PLA2G6: variants seen among roughly 807,000 people sequenced by gnomAD.
PLA2G6 encodes 85/88 kDa calcium-independent phospholipase A2.
In PLA2G6, 62 loss-of-function variants were observed where a neutral mutation model predicts 83.8. The observed-to-expected ratio is 0.74, with a 90% confidence interval of 0.60 to 0.91. PLA2G6 has a LOEUF of 0.91. Ranked by LOEUF, PLA2G6 falls within the 40% of genes least tolerant of loss-of-function variation. The probability of loss-of-function intolerance (pLI) is 0.00; values close to 1 mark genes in which losing one functional copy is unlikely to be tolerated. For synonymous variants in PLA2G6, 417 were observed against 449.8 expected (o/e 0.93, Z 0.92); for missense variants, 944 against 1,102.0 (o/e 0.86, Z 2.03).
intron 1 of PLA2G6, among the ~76,000 whole-genome samples, chr22:38,173,076 C>T (rs1213326942): frequency 2.0e-5 from 3 of 152,212 alleles, no homozygotes; most frequent in African/African-American, 7.2e-5. Flanking sequence ...GGAACACTCA[C>T]GGCATTGCCA....
intron 1 of PLA2G6, 100 bp from the exon 2 acceptor site, chr22:38,169,571 C>A: frequency 1.4e-6 from 1 of 708,152 alleles, no homozygotes; most frequent in South Asian, 1.5e-5. Context: ...TCACTCCCCA[C>A]CAGCGTTGTC....
chr22:38,174,667 C>T (rs2090564445), intron 1 of PLA2G6, among the ~76,000 whole-genome samples: 1 of 152,192 alleles, frequency 6.6e-6, no homozygotes. Flanking sequence ...GAGAGGCCTT[C>T]ACAGCAGATG....
At chr22:38,164,239 G>C (rs1178903188) in intron 2 of PLA2G6, among the ~76,000 whole-genome samples, 1 of 152,204 alleles carries the variant, frequency 6.6e-6, no homozygotes, top group Admixed American at 6.5e-5. Context: ...GCCAGGATCA[G>C]CCCAGGCGGG....
chr22:38,168,477 GC>G (rs1159762127), intron 2 of PLA2G6, among the ~76,000 whole-genome samples: 1 of 152,202 alleles, frequency 6.6e-6, no homozygotes, highest in Non-Finnish European at 1.5e-5. Context: ...GTCCCAGCAT[GC>G]CCCAAGAGGC....
intron 3 of PLA2G6, chr22:38,143,932 CG>C (rs2089077196): frequency 5.7e-6 from 1 of 175,170 alleles, no homozygotes; most frequent in Non-Finnish European, 1.2e-5. Context: ...TTAGTAGAGA[CG>C]GGGTTTCACC....
chr22:38,166,760 GA>G (rs1296670655), intron 2 of PLA2G6, among the ~76,000 whole-genome samples: 2 of 152,056 alleles, frequency 1.3e-5, no homozygotes, highest in African/African-American at 2.4e-5. Context: ...TACATACATG[GA>G]AACAACACAG....
rs372511574 is a variant in PLA2G6 at position 38,135,028 on chromosome 22, C to G, written c.854G>C (p.Arg285Pro). The G allele has an allele frequency of 4.1e-6, 6 of 1,455,514 alleles. No individual in the cohort carries two copies. Among genetic ancestry groups the G allele is most frequent in the Non-Finnish European group, 5.6e-6 (6 of 1,078,984 alleles). The allele number at this position is 1,455,514 out of a possible 1,614,324, so 90.2% of individuals were successfully genotyped here. A position where few individuals can be genotyped will look rare whatever the true frequency, so the allele number is the denominator to read the frequency against. The change falls in exon 6 of 17, where the codon CGT becomes CCT. Residue 285 changes from arginine (R) to proline (P), a missense_variant. Transcript: ENST00000332509. Reference protein sequence around the residue: ...DSSQIHSKDPRYGASPLHWAK... With the variant: ...DSSQIHSKDPPYGASPLHWAK... ...CCAGTGGAGGGGGCTGGCTCCGTAA[C>G]GGGGGTCTTTGCTGTGGATCTGGCT...
Position 38,123,129 on chromosome 22 carries a change from G to A in PLA2G6, c.1557C>T (p.Ser519=). The A allele has an allele frequency of 6.5e-7, 1 of 1,549,854 alleles. No homozygotes were observed. The highest frequency in any genetic ancestry group is 8.7e-7 in the Non-Finnish European group (1 of 1,147,234). Residue 519 remains serine, a synonymous_variant, in exon 11 of 17, where the codon AGC becomes AGT. Coordinates refer to ENST00000332509, the MANE Select transcript of PLA2G6 (RefSeq NM_003560.4). The surrounding 1 kb of genome is among the most constrained non-coding windows in gnomAD (Gnocchi z 4.1). ...KDLFDWVAGT[S]TGGILALAIL... is the part of the protein sequence containing the mutation. Reference sequence around the variant, plus strand: ...TGGCCAGGGCCAGGATGCCTCCAGTGCTGGTGCCCGCCACCCAGTCAAACA... The same window carrying A: ...TGGCCAGGGCCAGGATGCCTCCAGTACTGGTGCCCGCCACCCAGTCAAACA...
At chr22:38,162,436 G>T (rs930469815) in intron 2 of PLA2G6, among the ~76,000 whole-genome samples, 1 of 152,136 alleles carries the variant, frequency 6.6e-6, no homozygotes, top group African/African-American at 2.4e-5. Context: ...ACGGGATGGG[G>T]CTGGGAAAAG....
intron 7 of PLA2G6, among the ~76,000 whole-genome samples, chr22:38,129,948 A>G (rs1363957734): frequency 6.6e-6 from 1 of 152,144 alleles, no homozygotes; most frequent in Non-Finnish European, 1.5e-5. Context: ...AGGGTGGGTG[A>G]GGGCAGGGAA....
Position 38,123,123 on chromosome 22 carries a change from T to C in PLA2G6, c.1563A>G (p.Gly521=). 6.5e-7 allele frequency: 1 copy of C among 1,549,672 alleles called. No individual in the cohort carries two copies. The highest frequency in any genetic ancestry group is 8.7e-7 in the Non-Finnish European group (1 of 1,147,184). Residue 521 remains glycine (G), a synonymous_variant, in exon 11 of 17, where the codon GGA becomes GGG. Coordinates refer to ENST00000332509, the MANE Select transcript of PLA2G6 (RefSeq NM_003560.4). This position sits in a 1 kb window ranked among gnomAD's most constrained non-coding sequence, Gnocchi z 4.1. ...GCAGAATGGCCAGGGCCAGGATGCC[T>C]CCAGTGCTGGTGCCCGCCACCCAGT... ...LFDWVAGTST[G]GILALAILHS... is the part of the protein sequence containing the mutation.
At chr22:38,129,607 G>A (rs1213194903) in intron 7 of PLA2G6, 45 bp from the exon 8 acceptor site, 2 of 1,498,144 alleles carry the variant, frequency 1.3e-6, no homozygotes, top group Non-Finnish European at 1.9e-6. Flanking sequence ...TGCCGGGGAA[G>A]TGAAGAACAA....
chr22:38,174,635 G>A (rs1005843008), intron 1 of PLA2G6, among the ~76,000 whole-genome samples: 4 of 152,228 alleles, frequency 2.6e-5, no homozygotes, highest in African/African-American at 7.2e-5. Flanking sequence ...AAGAACAGGA[G>A]TTTGCCAGCG....
At position 38,169,466 on chromosome 22, in the gene PLA2G6, C is replaced by G; in HGVS notation, c.-40G>C. Reference sequence around the variant, plus strand: ...GTGGGGAGGCCCCACCGTCTTCCCCCTCTGTCTGGAAGAAAACGAGGTCTC... The same window carrying G: ...GTGGGGAGGCCCCACCGTCTTCCCCGTCTGTCTGGAAGAAAACGAGGTCTC... On this transcript the variant is annotated 5_prime_UTR_variant, in exon 2 of 17. Transcript: ENST00000332509. 5.7e-6 allele frequency: 9 copies of G among 1,568,448 alleles called. No homozygotes were observed. The highest frequency in any genetic ancestry group is 7.9e-6 in the Non-Finnish European group (9 of 1,142,104).
At chr22:38,115,960 G>C (rs11570752) in intron 13 of PLA2G6, 115 bp downstream of exon 13, 3 of 1,480,588 alleles carry the variant, frequency 2.0e-6, no homozygotes, top group East Asian at 4.7e-5. Context: ...CCAGTGCAGC[G>C]GGTGGGCTGG....
chr22:38,154,351 C>A (rs1367847123), intron 2 of PLA2G6, among the ~76,000 whole-genome samples: 1 of 152,204 alleles, frequency 6.6e-6, no homozygotes, highest in African/African-American at 2.4e-5. Flanking sequence ...GTGATAGTGG[C>A]CACAGAGGTG....
intron 12 of PLA2G6, among the ~76,000 whole-genome samples, chr22:38,118,683 C>T (rs943905326): frequency 6.6e-6 from 1 of 151,196 alleles, no homozygotes; most frequent in Admixed American, 6.6e-5. Flanking sequence ...TTTGGATGGA[C>T]CCATGTTCTT....
Position 38,157,799 on chromosome 22 carries a change from GCA to G in PLA2G6, c.209+11417_209+11418del, listed in dbSNP as rs1208074286. Among the ~76,000 whole-genome samples, 5 of 152,182 alleles carry G rather than the reference GCA, an allele frequency of 3.3e-5. No individual in the cohort carries two copies. In the East Asian group the frequency reaches 7.7e-4, roughly 23 times the overall value. On this transcript the variant is annotated intron_variant, in intron 2 of 16. Transcript: ENST00000332509. ...ACCTGTAATCCCGGCACTTTGGGAGGCAGGGGCAGGTGGATCACCTGAGGTCA... is the reference window on the plus strand; with the variant it reads ...ACCTGTAATCCCGGCACTTTGGGAGGGGGGCAGGTGGATCACCTGAGGTCA...
chr22:38,142,994 A>G, intron 4 of PLA2G6, 111 bp downstream of exon 4: 2 of 994,856 alleles, frequency 2.0e-6, no homozygotes, highest in Non-Finnish European at 3.2e-6. Context: ...CTCAAGGACC[A>G]ATGGGGGACA....
Sources: gnomAD v4.1 joint callset for allele counts (sites outside exome capture counted in the v4.1 genomes callset) on GRCh38, gnomAD v4.1.1 for gene constraint, Gnocchi (gnomAD v3.1) non-coding constraint, MANE v1.5 for transcripts, NCBI Gene and HGNC (gene_info 2026-07-23, HGNC 2026-07-21) for gene names.